Variants in GUCY1A2 observed in about 807,000 individuals in gnomAD.
The protein encoded by GUCY1A2 is guanylate cyclase soluble subunit alpha-2.
In GUCY1A2, 27 loss-of-function variants were observed where a neutral mutation model predicts 63.5. The observed-to-expected ratio is 0.43, with a 90% CI of 0.31 to 0.59. The LOEUF is 0.59. GUCY1A2 is among the 20% of genes least tolerant of loss of function. The pLI is 0.11. For synonymous variants in GUCY1A2, 364 were observed against 343.5 expected (o/e 1.06, Z -0.66); for missense variants, 768 against 913.3 (o/e 0.84, Z 2.05).
chr11:106,799,299 G>C (rs1279223482), intron 5 of GUCY1A2, among the ~76,000 whole-genome samples: 1 of 152,096 alleles, frequency 6.6e-6, no homozygotes, highest in Non-Finnish European at 1.5e-5. Flanking sequence ...ACGAATCAAT[G>C]TCATGAAAAT....
intron 4 of GUCY1A2, among the ~76,000 whole-genome samples, chr11:106,931,712 G>A (rs1860605185): frequency 6.6e-6 from 1 of 152,064 alleles, no homozygotes; most frequent in Non-Finnish European, 1.5e-5. Flanking sequence ...AAAACATGAT[G>A]GCAAACCAAA....
At chr11:106,986,163 T>C in intron 1 of GUCY1A2, 32 bp from the exon 2 acceptor site, 1 of 1,091,114 alleles carries the variant, frequency 9.2e-7, no homozygotes, top group Non-Finnish European at 1.4e-6. Flanking sequence ...AAAAACATAT[T>C]ATCAGCAAAT....
At chr11:106,831,674 A>T (rs1482341116) in intron 4 of GUCY1A2, among the ~76,000 whole-genome samples, 1 of 152,210 alleles carries the variant, frequency 6.6e-6, no homozygotes, top group East Asian at 1.9e-4. Flanking sequence ...ATCACAAGAT[A>T]GGAGACTGGA....
At chr11:106,905,873 T>C (rs1860197911) in intron 4 of GUCY1A2, among the ~76,000 whole-genome samples, 1 of 152,116 alleles carries the variant, frequency 6.6e-6, no homozygotes, top group Non-Finnish European at 1.5e-5. Context: ...AGTTATTCTT[T>C]AGAACTGCAG....
chr11:106,911,429 G>A (rs1860292283), intron 4 of GUCY1A2, among the ~76,000 whole-genome samples: 1 of 152,146 alleles, frequency 6.6e-6, no homozygotes, highest in African/African-American at 2.4e-5. Flanking sequence ...TTGTATTGAA[G>A]GCTCTCCTTC....
chr11:106,944,994 A>G (rs1373110737), intron 3 of GUCY1A2, among the ~76,000 whole-genome samples: 1 of 152,170 alleles, frequency 6.6e-6, no homozygotes, highest in Non-Finnish European at 1.5e-5. Flanking sequence ...AAAGAAACCA[A>G]TGGAAGAAGG....
chr11:106,756,995 A>G (rs1863986599), intron 6 of GUCY1A2, among the ~76,000 whole-genome samples: 4 of 152,200 alleles, frequency 2.6e-5, no homozygotes, highest in African/African-American at 7.2e-5. Context: ...GATCAAACGT[A>G]GATTTGGTCT....
intron 4 of GUCY1A2, among the ~76,000 whole-genome samples, chr11:106,894,467 G>A (rs1198106137): frequency 6.6e-6 from 1 of 152,096 alleles, no homozygotes; most frequent in African/African-American, 2.4e-5. Flanking sequence ...CATATCTAAA[G>A]GCTACTTAAT....
intron 5 of GUCY1A2, among the ~76,000 whole-genome samples, chr11:106,778,315 T>C (rs902088240): frequency 2.0e-5 from 3 of 152,232 alleles, no homozygotes; most frequent in African/African-American, 7.2e-5. Context: ...ATCCTTTCTT[T>C]ATTCTGTTTC....
At chr11:106,689,808 A>G (rs998824098) in intron 7 of GUCY1A2, among the ~76,000 whole-genome samples, 18 of 152,200 alleles carry the variant, frequency 1.2e-4, no homozygotes, top group Admixed American at 5.2e-4. Flanking sequence ...CCTGGCCAAC[A>G]TGGTGAAACC....
intron 4 of GUCY1A2, among the ~76,000 whole-genome samples, chr11:106,900,078 T>A (rs1217999019): frequency 2.3e-5 from 3 of 129,976 alleles, no homozygotes; most frequent in Admixed American, 1.7e-4. Context: ...AGAGCGAGAC[T>A]CCGTCTCAAA....
At chr11:106,830,388 G>A (rs190615507) in intron 4 of GUCY1A2, among the ~76,000 whole-genome samples, 168 of 152,168 alleles carry the variant, frequency 1.1e-3, no homozygotes, top group African/African-American at 3.5e-3. Flanking sequence ...CAACTTGATT[G>A]GATTGAAGGA....
At chr11:107,004,897 G>A (rs899914738) in intron 1 of GUCY1A2, among the ~76,000 whole-genome samples, 20 of 152,124 alleles carry the variant, frequency 1.3e-4, no homozygotes, top group Non-Finnish European at 2.9e-4. Context: ...GCATATTCAA[G>A]GAGTGCATCA....
chr11:106,709,381 ATT>A (rs1254501760), intron 6 of GUCY1A2, among the ~76,000 whole-genome samples: 1 of 92,280 alleles, frequency 1.1e-5, no homozygotes, highest in Non-Finnish European at 1.9e-5. Flanking sequence ...AATTATATAT[ATT>A]ATATATTATA....
chr11:106,870,267 T>C lies in GUCY1A2; in HGVS notation c.1207-59789A>G, dbSNP rs557053189. ...CTTAAAGTATAATAAAAAAAATATA[T>C]CTATAAAAAAACTACACCATAGCAG... On this transcript the variant is annotated intron_variant, in intron 4 of 7. Coordinates refer to ENST00000526355, the MANE Select transcript of GUCY1A2 (RefSeq NM_000855.3). Among the ~76,000 whole-genome samples the C allele has an allele frequency of 3.3e-5, 5 of 151,952 alleles. No homozygotes were observed. The South Asian group carries it at 1.0e-3, about 32-fold the overall frequency.
chr11:106,689,114 G>A (rs1344232345), intron 7 of GUCY1A2, among the ~76,000 whole-genome samples: 1 of 152,148 alleles, frequency 6.6e-6, no homozygotes, highest in African/African-American at 2.4e-5. Context: ...GAAGAATAAA[G>A]GATGTGTGAA....
At chr11:106,980,881 A>G (rs1200936136) in intron 2 of GUCY1A2, among the ~76,000 whole-genome samples, 1 of 152,094 alleles carries the variant, frequency 6.6e-6, no homozygotes, top group African/African-American at 2.4e-5. Context: ...AGGCAACCCC[A>G]CAGGGTTATT....
chr11:106,991,621 T>A (rs1454533013), intron 1 of GUCY1A2, among the ~76,000 whole-genome samples: 1 of 152,194 alleles, frequency 6.6e-6, no homozygotes, highest in Admixed American at 6.6e-5. Context: ...AATAGGCTCT[T>A]AATTCAAGTA....
intron 6 of GUCY1A2, among the ~76,000 whole-genome samples, chr11:106,764,230 A>G (rs1206382866): frequency 6.6e-6 from 1 of 152,250 alleles, no homozygotes; most frequent in East Asian, 1.9e-4. Flanking sequence ...TTGCACTGCT[A>G]TTACGTCTTC....
Sources: allele counts gnomAD v4.1 joint callset (sites outside exome capture counted in the v4.1 genomes callset), GRCh38; gene constraint gnomAD v4.1.1; transcripts MANE v1.5; gene names NCBI Gene and HGNC (gene_info 2026-07-23, HGNC 2026-07-21).